Variants in KCNAB1 observed in about 807,000 individuals in gnomAD.
KCNAB1 encodes the protein voltage-gated potassium channel subunit beta-1.
Under a neutral mutation model 64.6 loss-of-function variants are expected in KCNAB1, and 35 were observed. The ratio of observed to expected loss-of-function variants is 0.54; its 90% CI spans 0.41 to 0.72. The LOEUF (loss-of-function observed/expected upper bound fraction) is 0.72. KCNAB1 is among the 30% of genes least tolerant of loss of function. The pLI is 0.00. For synonymous variants in KCNAB1, 177 were observed against 183.8 expected (o/e 0.96, Z 0.30); for missense variants, 401 against 512.9 (o/e 0.78, Z 2.11).
chr3:156,125,220 T>G (rs528386717), intron 1 of KCNAB1, among the ~76,000 whole-genome samples: 4 of 152,280 alleles, frequency 2.6e-5, no homozygotes, highest in East Asian at 3.9e-4. Context: ...TTTCACACTC[T>G]GTAAAATAGG....
intron 2 of KCNAB1, among the ~76,000 whole-genome samples, chr3:156,448,787 A>C (rs1372068087): frequency 6.6e-6 from 1 of 152,070 alleles, no homozygotes; most frequent in Non-Finnish European, 1.5e-5. Context: ...AGTCATAATA[A>C]AGATGTTTGT....
At chr3:156,355,253 A>G (rs989005449) in intron 1 of KCNAB1, among the ~76,000 whole-genome samples, 4 of 152,246 alleles carry the variant, frequency 2.6e-5, no homozygotes, top group African/African-American at 4.8e-5. Context: ...TATAAAGGAC[A>G]TATGATACTT....
At chr3:156,197,542 G>A (rs1714033658) in intron 1 of KCNAB1, among the ~76,000 whole-genome samples, 1 of 152,140 alleles carries the variant, frequency 6.6e-6, no homozygotes, top group African/African-American at 2.4e-5. Context: ...TTGGGAGGGT[G>A]TATATATCCA....
intron 1 of KCNAB1, among the ~76,000 whole-genome samples, chr3:156,283,909 G>T (rs1297846803): frequency 6.6e-6 from 1 of 151,028 alleles, no homozygotes; most frequent in African/African-American, 2.4e-5. Flanking sequence ...CCTTTGGTTT[G>T]AATGTCCTCC....
chr3:156,530,093 T>C (rs2108422371), intron 12 of KCNAB1, among the ~76,000 whole-genome samples: 1 of 152,296 alleles, frequency 6.6e-6, no homozygotes, highest in Non-Finnish European at 1.5e-5. Flanking sequence ...TGGGGCAGTA[T>C]CTAAGCAGGT....
At chr3:156,437,782 C>T (rs1367563148) in intron 2 of KCNAB1, among the ~76,000 whole-genome samples, 10 of 152,142 alleles carry the variant, frequency 6.6e-5, no homozygotes, top group Non-Finnish European at 1.2e-4. Context: ...TTGGTCAGGG[C>T]GAAAGACCCT....
chr3:156,307,858 G>A (rs1721610806), intron 1 of KCNAB1, among the ~76,000 whole-genome samples: 1 of 152,180 alleles, frequency 6.6e-6, no homozygotes, highest in African/African-American at 2.4e-5. Context: ...TCAGAGATAT[G>A]AATTCTTAAC....
intron 3 of KCNAB1, among the ~76,000 whole-genome samples, chr3:156,453,765 T>C (rs1183488559): frequency 6.6e-6 from 1 of 152,186 alleles, no homozygotes; most frequent in Non-Finnish European, 1.5e-5. Context: ...TCAGGGATAG[T>C]GTCTCTGAGT....
intron 8 of KCNAB1, among the ~76,000 whole-genome samples, chr3:156,510,330 C>T (rs972648216): frequency 6.6e-6 from 1 of 152,144 alleles, no homozygotes; most frequent in Non-Finnish European, 1.5e-5. Flanking sequence ...GCCATGTCTT[C>T]CCATGATGGT....
intron 8 of KCNAB1, among the ~76,000 whole-genome samples, chr3:156,483,205 G>GC (rs1181551981): frequency 6.6e-6 from 1 of 152,036 alleles, no homozygotes; most frequent in African/African-American, 2.4e-5. Context: ...AGGAAAAGAT[G>GC]CCCGGGTCAG....
chr3:156,310,607 T>G (rs554514777), intron 1 of KCNAB1, among the ~76,000 whole-genome samples: 4 of 152,128 alleles, frequency 2.6e-5, no homozygotes, highest in Non-Finnish European at 4.4e-5. Flanking sequence ...TTCGAGACCA[T>G]CCTGGCTAAC....
chr3:156,291,462 C>T, intron 1 of KCNAB1: 2 of 1,029,140 alleles, frequency 1.9e-6, no homozygotes, highest in South Asian at 7.7e-5. Flanking sequence ...TAAGCCTGCG[C>T]TGATTTGAGC....
At chr3:156,366,465 A>C (rs1725953764) in intron 1 of KCNAB1, among the ~76,000 whole-genome samples, 1 of 152,214 alleles carries the variant, frequency 6.6e-6, no homozygotes, top group Non-Finnish European at 1.5e-5. Flanking sequence ...TCATTTGTTA[A>C]GGAATGAGAA....
intron 1 of KCNAB1, among the ~76,000 whole-genome samples, chr3:156,173,766 G>C (rs1293329851): frequency 6.6e-6 from 1 of 152,232 alleles, no homozygotes; most frequent in Non-Finnish European, 1.5e-5. Context: ...TTCTGGGTGT[G>C]TCTGTAAGGG....
intron 7 of KCNAB1, among the ~76,000 whole-genome samples, chr3:156,468,776 G>T (rs2108308152): frequency 6.6e-6 from 1 of 152,284 alleles, no homozygotes; most frequent in South Asian, 2.1e-4. Flanking sequence ...GCTACAATAA[G>T]TGACAACCTT....
chr3:156,363,479 CTTT>C (rs57981797), intron 1 of KCNAB1, among the ~76,000 whole-genome samples: 1 of 146,598 alleles, frequency 6.8e-6, no homozygotes, highest in Non-Finnish European at 1.5e-5. Flanking sequence ...CTTTGGCAAT[CTTT>C]TTTTTTTTTT....
intron 11 of KCNAB1, among the ~76,000 whole-genome samples, chr3:156,521,895 A>C (rs758222057): frequency 6.6e-6 from 1 of 151,560 alleles, no homozygotes; most frequent in Non-Finnish European, 1.5e-5. Flanking sequence ...TTAAAGCAAC[A>C]ATGAGATTTA....
chr3:156,291,877 T>TGA, intron 1 of KCNAB1: 1 of 1,612,772 alleles, frequency 6.2e-7, no homozygotes, highest in Non-Finnish European at 8.5e-7. Context: ...TCTGGGGTTC[T>TGA]GAGAGGGACC....
chr3:156,284,389 G>T (rs999044199), intron 1 of KCNAB1, among the ~76,000 whole-genome samples: 106 of 152,334 alleles, frequency 7.0e-4, no homozygotes, highest in Non-Finnish European at 1.4e-3. Flanking sequence ...ACAGGGACAT[G>T]TAAGTCTGCA....
Sources: allele counts gnomAD v4.1 joint callset (sites outside exome capture counted in the v4.1 genomes callset), GRCh38; gene constraint gnomAD v4.1.1; transcripts MANE v1.5; gene names NCBI Gene and HGNC (gene_info 2026-07-23, HGNC 2026-07-21).